The following FGGY variants were observed in gnomAD, a reference collection of about 807,000 sequenced individuals.
The protein encoded by FGGY is FGGY carbohydrate kinase domain containing.
Under a neutral mutation model 71.3 loss-of-function variants are expected in FGGY, and 72 were observed. The ratio of observed to expected loss-of-function variants is 1.01; its 90% CI spans 0.84 to 1.23. The LOEUF is 1.23. Ranked by LOEUF, FGGY falls within the 50% of genes most tolerant of loss-of-function variation. The probability of loss-of-function intolerance (pLI) is 0.00; values close to 1 mark genes in which losing one functional copy is unlikely to be tolerated. For synonymous variants in FGGY, 251 were observed against 250.3 expected (o/e 1.00, Z -0.02); for missense variants, 668 against 682.3 (o/e 0.98, Z 0.23).
At position 59,674,125 on chromosome 1, in the gene FGGY, T is replaced by C. The variant is rs749458208; in HGVS notation, c.1504T>C (p.Ser502Pro). Residue 502 changes from serine (S) to proline (P), a missense_variant, in exon 14 of 16, where the codon TCT becomes CCT. Physicochemically the swap from Ser to Pro is moderately conservative, Grantham distance 74. This residue lies in a region of FGGY where 661 missense variants were observed against 661.6 expected (regional missense o/e 1.00). Transcript: ENST00000303721. ...LGACASGDFA[S>P]VQEAMAKMSK... ...TGCCTGTGCCTCAGGGGATTTCGCTTCTGTACAGGTATGTGAAGACCAGGG... is the reference window on the plus strand; with the variant it reads ...TGCCTGTGCCTCAGGGGATTTCGCTCCTGTACAGGTATGTGAAGACCAGGG... The C allele has an allele frequency of 6.8e-6, 11 of 1,613,608 alleles. No individual in the cohort carries two copies. In the Admixed American group the frequency reaches 1.8e-4, roughly 27 times the overall value.
chr1:59,338,210 A>C (rs373458809), intron 2 of FGGY, among the ~76,000 whole-genome samples: 4 of 152,284 alleles, frequency 2.6e-5, no homozygotes, highest in South Asian at 2.1e-4. Flanking sequence ...TATATAAAGG[A>C]AAGTTTTACA....
At chr1:59,410,030 T>A (rs1011245649) in intron 5 of FGGY, among the ~76,000 whole-genome samples, 4 of 152,190 alleles carry the variant, frequency 2.6e-5, no homozygotes, top group Admixed American at 2.6e-4. Context: ...CCAGAACTTA[T>A]GCCATGCCCA....
intron 7 of FGGY, among the ~76,000 whole-genome samples, chr1:59,547,145 G>T (rs2095539345): frequency 6.6e-6 from 1 of 151,000 alleles, no homozygotes. Flanking sequence ...TAAAGACGGG[G>T]TTTCACCATA....
intron 5 of FGGY, among the ~76,000 whole-genome samples, chr1:59,432,719 G>T (rs2067630022): frequency 6.6e-6 from 1 of 152,218 alleles, no homozygotes; most frequent in South Asian, 2.1e-4. Context: ...AGCAATTCTA[G>T]TAGTAGTCAC....
At chr1:59,673,272 T>C (rs1383582192) in intron 13 of FGGY, among the ~76,000 whole-genome samples, 1 of 152,036 alleles carries the variant, frequency 6.6e-6, no homozygotes, top group Non-Finnish European at 1.5e-5. Flanking sequence ...CAGGGAAAGC[T>C]CAGTAGGAAG....
intron 11 of FGGY, among the ~76,000 whole-genome samples, chr1:59,639,060 G>A (rs1302445875): frequency 6.6e-6 from 1 of 152,120 alleles, no homozygotes; most frequent in Non-Finnish European, 1.5e-5. Context: ...AGGTAGAGGA[G>A]GGGCCAGGTG....
At chr1:59,523,633 A>C (rs2094896631) in intron 7 of FGGY, among the ~76,000 whole-genome samples, 1 of 152,218 alleles carries the variant, frequency 6.6e-6, no homozygotes, top group African/African-American at 2.4e-5. Context: ...TAGAAAAATC[A>C]TACTAGTCTC....
At chr1:59,657,668 A>T (rs917866471) in intron 11 of FGGY, among the ~76,000 whole-genome samples, 2 of 152,330 alleles carry the variant, frequency 1.3e-5, no homozygotes, top group Middle Eastern at 6.8e-3. Flanking sequence ...GGGGGCTATG[A>T]CCAGGCTGAA....
chr1:59,370,835 A>C (rs904143740), intron 4 of FGGY, among the ~76,000 whole-genome samples: 5 of 151,880 alleles, frequency 3.3e-5, no homozygotes, highest in Non-Finnish European at 5.9e-5. Flanking sequence ...GAAATAAAAT[A>C]CTTTACAGAC....
chr1:59,470,832 G>A (rs2092904581), intron 6 of FGGY, among the ~76,000 whole-genome samples: 2 of 152,304 alleles, frequency 1.3e-5, no homozygotes, highest in African/African-American at 2.4e-5. Context: ...TCTTTATAGT[G>A]TGTGGCTTGT....
In FGGY at chr1:59,319,421, A is replaced by G. The variant is rs188728659; in HGVS notation, c.-14-2115A>G. 7.6e-4 allele frequency among the ~76,000 whole-genome samples: 116 copies of G among 152,278 alleles called. 1 individual carries two copies. The Middle Eastern group carries it at 0.01, about 13-fold the overall frequency. ...TTCATTTTTTTCAGATTCAGTTAGGAAGACAGACATGGAAAGAAAAATAAA... is the reference window on the plus strand; with the variant it reads ...TTCATTTTTTTCAGATTCAGTTAGGGAGACAGACATGGAAAGAAAAATAAA... On this transcript the variant is annotated intron_variant, in intron 1 of 15. Transcript: ENST00000303721.
chr1:59,738,158 A>G (rs2098120754), intron 14 of FGGY, among the ~76,000 whole-genome samples: 1 of 152,246 alleles, frequency 6.6e-6, no homozygotes. Flanking sequence ...GCTAAAGGTA[A>G]TAGGCATTGA....
intron 14 of FGGY, among the ~76,000 whole-genome samples, chr1:59,724,333 A>T (rs2097921886): frequency 2.0e-5 from 3 of 150,756 alleles, no homozygotes; most frequent in Admixed American, 2.0e-4. Flanking sequence ...AAAAAAAAAA[A>T]ATTAGCCAGG....
intron 8 of FGGY, among the ~76,000 whole-genome samples, chr1:59,605,862 G>C (rs1019552946): frequency 1.3e-5 from 2 of 152,104 alleles, no homozygotes; most frequent in African/African-American, 4.8e-5. Context: ...AGTAAGGGCT[G>C]AGTAAATATT....
intron 14 of FGGY, among the ~76,000 whole-genome samples, chr1:59,735,772 T>C (rs2098096372): frequency 6.6e-6 from 1 of 152,226 alleles, no homozygotes. Flanking sequence ...AACTGTACTA[T>C]AGAAAAATAA....
chr1:59,624,002 C>G (rs1473985945), intron 9 of FGGY, among the ~76,000 whole-genome samples: 1 of 152,108 alleles, frequency 6.6e-6, no homozygotes, highest in Non-Finnish European at 1.5e-5. Context: ...CTGTTCCCAG[C>G]GAGTTTATCT....
At chr1:59,446,019 C>A (rs1454832495) in intron 5 of FGGY, among the ~76,000 whole-genome samples, 1 of 152,188 alleles carries the variant, frequency 6.6e-6, no homozygotes, top group African/African-American at 2.4e-5. Context: ...AGTATCCTCA[C>A]AAGTTTGTTG....
intron 4 of FGGY, among the ~76,000 whole-genome samples, chr1:59,371,202 A>C (rs1351939106): frequency 6.6e-6 from 1 of 152,162 alleles, no homozygotes; most frequent in South Asian, 2.1e-4. Context: ...AAATAACAGG[A>C]TGGAGGAAGA....
chr1:59,517,348 C>T (rs1276295061), intron 7 of FGGY, among the ~76,000 whole-genome samples: 1 of 144,540 alleles, frequency 6.9e-6, no homozygotes, highest in African/African-American at 2.6e-5. Context: ...TCACTGCAAG[C>T]TCCGCCTCCC....
Sources: allele counts gnomAD v4.1 joint callset (sites outside exome capture counted in the v4.1 genomes callset), GRCh38; gene constraint gnomAD v4.1.1; regional missense constraint gnomAD v4.1.1; transcripts MANE v1.5; gene names NCBI Gene and HGNC (gene_info 2026-07-23, HGNC 2026-07-21).